The following WNK1 variants were observed in gnomAD, a reference collection of about 807,000 sequenced individuals.
WNK1 encodes WNK lysine deficient protein kinase 1.
A neutral mutation model predicts 222.8 loss-of-function variants in WNK1; 38 were observed. That is an observed-to-expected ratio of 0.17 (90% CI 0.13 to 0.22). WNK1 has a LOEUF of 0.22. Ranked by LOEUF, WNK1 falls within the 10% of genes least tolerant of loss-of-function variation. The pLI is 1.00. For missense variants in WNK1, 2,348 were observed against 2,918.4 expected (o/e 0.80, Z 4.50); for synonymous variants, 1,090 against 1,092.9 (o/e 1.00, Z 0.05).
At chr12:757,132 T>C (rs1003174231) in intron 1 of WNK1, among the ~76,000 whole-genome samples, 4 of 126,492 alleles carry the variant, frequency 3.2e-5, no homozygotes, top group Admixed American at 3.0e-4. Context: ...CCGGTCCTTA[T>C]ACCCATGGCA....
At chr12:821,695 A>T (rs746745500) in intron 2 of WNK1, among the ~76,000 whole-genome samples, 15 of 152,134 alleles carry the variant, frequency 9.9e-5, no homozygotes, top group Non-Finnish European at 2.2e-4. Flanking sequence ...AATTCTGTGA[A>T]TGTTTGCTTC....
intron 2 of WNK1, among the ~76,000 whole-genome samples, chr12:814,405 A>T (rs1947169604): frequency 6.6e-6 from 1 of 151,522 alleles, no homozygotes; most frequent in Non-Finnish European, 1.5e-5. Context: ...ATTAAGGTTT[A>T]TTGAGAAACT....
chr12:881,658 C>T, intron 12 of WNK1, 34 bp from the exon 13 acceptor site: 1 of 1,518,722 alleles, frequency 6.6e-7, no homozygotes, highest in Non-Finnish European at 9.1e-7. Context: ...AAATCTATTA[C>T]TACCGAGATT....
chr12:900,781 G>A, intron 26 of WNK1, 111 bp downstream of exon 26: 3 of 1,292,858 alleles, frequency 2.3e-6, no homozygotes, highest in East Asian at 4.6e-5. Context: ...AACACAGCCT[G>A]TGTGTTGTAC....
intron 4 of WNK1, among the ~76,000 whole-genome samples, chr12:834,162 C>T (rs565427621): frequency 1.3e-5 from 2 of 151,996 alleles, no homozygotes; most frequent in Non-Finnish European, 2.9e-5. Context: ...TGCCAAACAC[C>T]GTAGTACAAT....
intron 25 of WNK1, among the ~76,000 whole-genome samples, chr12:898,301 G>A (rs1415699612): frequency 1.3e-5 from 2 of 151,998 alleles, no homozygotes; most frequent in Non-Finnish European, 2.9e-5. Context: ...TGACTAACAC[G>A]GTGAAACCCT....
rs753485992 is a variant in WNK1, at chr12:885,302, A to G, written c.4498A>G (p.Ser1500Gly). 6.2e-7 allele frequency: 1 copy of G among 1,614,134 alleles called. No individual in the cohort carries two copies. The highest frequency in any genetic ancestry group is 1.1e-5 in the South Asian group (1 of 91,080). The change falls in exon 19 of 28, where the codon AGC becomes GGC. Residue 1500 changes from serine (S) to glycine (G), a missense_variant. Physicochemically the swap from Ser to Gly is moderately conservative, Grantham distance 56 (BLOSUM62 0). Around this residue, in one of 13 missense-constraint regions of WNK1, gnomAD observed 1,144 missense variants for 1,273.6 expected, o/e 0.90. Transcript: ENST00000315939. ...TSVSTTTSFPSTASQLCIQLS... is the reference protein window; with the variant it reads ...TSVSTTTSFPGTASQLCIQLS... ...AGTTTCTACCACCACTTCATTCCCA[A>G]GCACAGCTTCACAGCTGTGCATTCA...
chr12:829,144 T>A (rs1227612634), intron 3 of WNK1, among the ~76,000 whole-genome samples: 3 of 152,248 alleles, frequency 2.0e-5, no homozygotes, highest in Non-Finnish European at 2.9e-5. Flanking sequence ...TAAATGATAG[T>A]GTGCATGCCT....
intron 15 of WNK1, 117 bp from the exon 16 acceptor site, chr12:883,278 C>T: frequency 7.9e-7 from 1 of 1,267,904 alleles, no homozygotes; most frequent in Non-Finnish European, 1.1e-6. Flanking sequence ...GAAGAGCTAA[C>T]TTGAGTACAA....
chr12:781,650 C>T (rs1173204641), intron 1 of WNK1, among the ~76,000 whole-genome samples: 1 of 152,150 alleles, frequency 6.6e-6, no homozygotes, highest in Non-Finnish European at 1.5e-5. Flanking sequence ...ACAATACTGG[C>T]ATTAGCTATA....
chr12:804,957 A>T (rs1027183567), intron 1 of WNK1, among the ~76,000 whole-genome samples: 2 of 147,416 alleles, frequency 1.4e-5, no homozygotes, highest in African/African-American at 4.9e-5. Context: ...ATATAATATA[A>T]AATATAATTA....
rs1955965209 is a variant in WNK1, at chr12:909,857, A to C, written c.*1065A>C. 1 of 152,222 alleles carries C rather than the reference A, an allele frequency of 6.6e-6. No individual in the cohort carries two copies. The highest frequency in any genetic ancestry group is 1.5e-5 in the Non-Finnish European group (1 of 68,038). The allele number at this position is 152,222 out of a possible 1,614,324, so 9.4% of individuals were successfully genotyped here. A position where few individuals can be genotyped will look rare whatever the true frequency, so the allele number is the denominator to read the frequency against. ...AAGTATTTTTTTAAGTCATTCAACA[A>C]CTTTGTCTAGAGCAGGTGTAAGATG... On this transcript the variant is annotated 3_prime_UTR_variant, in exon 28 of 28. Coordinates refer to ENST00000315939, the MANE Select transcript of WNK1 (RefSeq NM_018979.4).
intron 23 of WNK1, among the ~76,000 whole-genome samples, chr12:895,089 G>A (rs888801175): frequency 2.6e-5 from 4 of 152,056 alleles, no homozygotes; most frequent in South Asian, 2.1e-4. Flanking sequence ...TGTTTTCCAC[G>A]TTTAAAATAA....
At chr12:860,258 T>C (rs1433886785) in intron 6 of WNK1, among the ~76,000 whole-genome samples, 3 of 152,218 alleles carry the variant, frequency 2.0e-5, no homozygotes, top group Admixed American at 2.0e-4. Flanking sequence ...GACCATGAAT[T>C]GTTTTTACTT....
At chr12:906,707 A>G in intron 26 of WNK1, 5 of 985,272 alleles carry the variant, frequency 5.1e-6, no homozygotes, top group Non-Finnish European at 6.0e-6. Flanking sequence ...AACTTTTCTG[A>G]ACACAGCATG....
chr12:837,572 TAAAAAAAAAAA>T (rs530005542), intron 4 of WNK1, among the ~76,000 whole-genome samples: 2 of 123,664 alleles, frequency 1.6e-5, no homozygotes, highest in Admixed American at 8.3e-5. Context: ...AGACCCTGTC[TAAAAAAAAAAA>T]AAAAAAAAAG....
chr12:894,737 T>C, intron 23 of WNK1, 102 bp downstream of exon 23: 5 of 1,069,406 alleles, frequency 4.7e-6, no homozygotes, highest in Non-Finnish European at 7.3e-6. Flanking sequence ...GCCAGTCTAG[T>C]GATTTCTGTC....
intron 2 of WNK1, among the ~76,000 whole-genome samples, chr12:824,174 T>G (rs1334393198): frequency 6.6e-6 from 1 of 151,116 alleles, no homozygotes; most frequent in Admixed American, 6.6e-5. Context: ...CCCAAAGTGC[T>G]GGGAGTGAGC....
intron 1 of WNK1, among the ~76,000 whole-genome samples, chr12:801,718 A>G (rs1398906141): frequency 1.3e-5 from 2 of 151,476 alleles, no homozygotes; most frequent in African/African-American, 2.4e-5. Flanking sequence ...AACCATTCCT[A>G]TTTTCCCACT....
Sources: allele counts gnomAD v4.1 joint callset (sites outside exome capture counted in the v4.1 genomes callset), GRCh38; gene constraint gnomAD v4.1.1; regional missense constraint gnomAD v4.1.1; transcripts MANE v1.5; gene names NCBI Gene and HGNC (gene_info 2026-07-23, HGNC 2026-07-21).